Variants in PLEKHM3 observed in about 807,000 individuals in gnomAD.
PLEKHM3 encodes the protein pleckstrin homology domain containing M3.
In PLEKHM3, 45 loss-of-function variants were observed where a neutral mutation model predicts 81.8. That is an observed-to-expected ratio of 0.55 (90% CI 0.43 to 0.71). The LOEUF is 0.71. Among genes scored for constraint, PLEKHM3 ranks in the 30% least tolerant of loss-of-function variants. PLEKHM3 has a pLI of 0.00. For synonymous variants in PLEKHM3, 352 were observed against 356.4 expected, an observed-to-expected ratio of 0.99 and a Z score of 0.14; for missense variants, 788 against 924.3, an observed-to-expected ratio of 0.85 and a Z score of 1.91.
intron 7 of PLEKHM3, among the ~76,000 whole-genome samples, chr2:207,842,811 A>G (rs1021797037): frequency 6.6e-6 from 1 of 152,240 alleles, no homozygotes; most frequent in African/African-American, 2.4e-5. Context: ...ACACATACTC[A>G]TAAGACAGAA....
At chr2:208,024,850 T>C (rs1693273721) in intron 1 of PLEKHM3, among the ~76,000 whole-genome samples, 1 of 152,254 alleles carries the variant, frequency 6.6e-6, no homozygotes, top group South Asian at 2.1e-4. Flanking sequence ...CATCCAAATA[T>C]ATATCTCAGT....
rs1410633564 is a variant in PLEKHM3, at chr2:207,827,069, G to A, written c.*1250C>T. ...TTAGCACTCTTTGTTTTACTTCAAG[G>A]TGGCAATTATATATGTGTGTGTATA... On this transcript the variant is annotated 3_prime_UTR_variant, in exon 8 of 8. Transcript: ENST00000427836. 6.6e-6 allele frequency: 1 copy of A among 151,730 alleles called. No individual in the cohort carries two copies. Among genetic ancestry groups the A allele is most frequent in the African/African-American group, 2.4e-5 (1 of 41,342 alleles). 9.4% of individuals were successfully genotyped at this position (151,730 alleles called of 1,614,324 possible). A position where few individuals can be genotyped will look rare whatever the true frequency, so the allele number is the denominator to read the frequency against.
chr2:207,864,614 T>C (rs560520959), intron 6 of PLEKHM3, among the ~76,000 whole-genome samples: 1 of 152,320 alleles, frequency 6.6e-6, no homozygotes, highest in African/African-American at 2.4e-5. Flanking sequence ...ACATGAGAGT[T>C]ATTATCTAGG....
chr2:208,016,666 A>ACACACACAC (rs1468410522), intron 1 of PLEKHM3, among the ~76,000 whole-genome samples: 5 of 34,092 alleles, frequency 1.5e-4, no homozygotes, highest in Admixed American at 4.3e-4. Context: ...AAAAAAAAAA[A>ACACACACAC]AAATACACAC....
chr2:207,866,237 C>T (rs1574350140), intron 6 of PLEKHM3, among the ~76,000 whole-genome samples: 3 of 152,114 alleles, frequency 2.0e-5, no homozygotes, highest in African/African-American at 7.2e-5. Context: ...CTCACTGCAA[C>T]CTCTGCCTCC....
chr2:207,865,676 A>G (rs1452938496), intron 6 of PLEKHM3, among the ~76,000 whole-genome samples: 4 of 148,704 alleles, frequency 2.7e-5, no homozygotes, highest in Non-Finnish European at 6.0e-5. Context: ...GCTACTCGGG[A>G]AGCTAAGGAA....
intron 5 of PLEKHM3, among the ~76,000 whole-genome samples, chr2:207,908,917 C>T (rs1011951347): frequency 7.9e-5 from 12 of 152,238 alleles, no homozygotes; most frequent in Non-Finnish European, 1.5e-4. Context: ...CAAGTCCCCA[C>T]ATGCCCACCT....
chr2:207,959,861 G>A (rs369139988), intron 3 of PLEKHM3, among the ~76,000 whole-genome samples: 1 of 152,056 alleles, frequency 6.6e-6, no homozygotes, highest in South Asian at 2.1e-4. Context: ...GAATTTCTTC[G>A]TTTTCACCCC....
chr2:208,023,831 C>G (rs1253599238), intron 1 of PLEKHM3, among the ~76,000 whole-genome samples: 1 of 151,696 alleles, frequency 6.6e-6, no homozygotes, highest in Non-Finnish European at 1.5e-5. Flanking sequence ...TGGTAATCAC[C>G]ATTCCACTTT....
chr2:207,994,430 A>G (rs186021556), intron 2 of PLEKHM3, among the ~76,000 whole-genome samples: 2 of 152,340 alleles, frequency 1.3e-5, no homozygotes, highest in Admixed American at 1.3e-4. Flanking sequence ...GGTTTAGTAC[A>G]GACAGTAGTG....
intron 2 of PLEKHM3, among the ~76,000 whole-genome samples, chr2:207,993,223 T>A (rs116497612): frequency 6.9e-4 from 105 of 152,302 alleles, no homozygotes; most frequent in Non-Finnish European, 1.1e-3. Flanking sequence ...ATGAGGCATA[T>A]TGGGTTTCCA....
chr2:207,984,289 A>C (rs930357524), intron 2 of PLEKHM3, among the ~76,000 whole-genome samples: 1 of 152,242 alleles, frequency 6.6e-6, no homozygotes, highest in African/African-American at 2.4e-5. Flanking sequence ...TCTAACAGAT[A>C]AGATCTTTAA....
chr2:208,023,339 G>T (rs778430555), intron 1 of PLEKHM3, among the ~76,000 whole-genome samples: 1 of 145,862 alleles, frequency 6.9e-6, no homozygotes, highest in Non-Finnish European at 1.5e-5. Flanking sequence ...GTACAGTTCA[G>T]TATTGTTAAG....
chr2:207,991,666 A>C (rs1019463231), intron 2 of PLEKHM3, among the ~76,000 whole-genome samples: 2 of 152,160 alleles, frequency 1.3e-5, no homozygotes, highest in South Asian at 4.1e-4. Context: ...TTGGTATTTA[A>C]GAAAATGATC....
At position 207,923,194 on chromosome 2, in the gene PLEKHM3, G is replaced by A. The variant is rs930911125; in HGVS notation, c.1886+7732C>T. Among the ~76,000 whole-genome samples, 5 of 152,090 alleles carry A rather than the reference G, an allele frequency of 3.3e-5. 1 individual carries two copies. The highest frequency in any genetic ancestry group is 5.9e-5 in the Non-Finnish European group (4 of 68,016). On this transcript the variant is annotated intron_variant, in intron 5 of 7. Transcript: ENST00000427836. ...GTGTTGCGTTATCCTGTAGGTAGCC[G>A]AACTACTCACTGTCTAATAAGACCA... is the stretch of plus-strand genomic sequence containing the variant.
Position 207,961,894 on chromosome 2 carries a change from G to T in PLEKHM3, c.1546+14757C>A, listed in dbSNP as rs185356811. Reference sequence around the variant, plus strand: ...CCAAAGCTTCCTCATTCTGTGGGGGGAAATTACACACATCATTCATCCTCC... The same window carrying T: ...CCAAAGCTTCCTCATTCTGTGGGGGTAAATTACACACATCATTCATCCTCC... On this transcript the variant is annotated intron_variant, in intron 3 of 7. Coordinates refer to ENST00000427836, the MANE Select transcript of PLEKHM3 (RefSeq NM_001080475.3). Among the ~76,000 whole-genome samples the T allele has an allele frequency of 2.3e-3, 346 of 152,302 alleles. 1 individual carries two copies. The highest frequency in any genetic ancestry group is 0.02 in the Middle Eastern group (6 of 294).
At chr2:207,918,775 C>T (rs1447104547) in intron 5 of PLEKHM3, among the ~76,000 whole-genome samples, 1 of 151,944 alleles carries the variant, frequency 6.6e-6, no homozygotes, top group Non-Finnish European at 1.5e-5. Flanking sequence ...TTTATTAGCC[C>T]CCACTATATG....
At chr2:208,004,408 G>A (rs1421156379) in intron 1 of PLEKHM3, among the ~76,000 whole-genome samples, 1 of 114,938 alleles carries the variant, frequency 8.7e-6, no homozygotes, top group Non-Finnish European at 2.1e-5. Flanking sequence ...ACAGAGCAAT[G>A]CCCTGTCTCA....
intron 1 of PLEKHM3, among the ~76,000 whole-genome samples, chr2:208,008,899 T>C (rs1274664919): frequency 6.6e-6 from 1 of 152,246 alleles, no homozygotes; most frequent in Non-Finnish European, 1.5e-5. Context: ...ACTTCTTCTA[T>C]ATTCACGCTG....
Sources: gnomAD v4.1 joint callset for allele counts (sites outside exome capture counted in the v4.1 genomes callset) on GRCh38, gnomAD v4.1.1 for gene constraint, MANE v1.5 for transcripts, NCBI Gene and HGNC (gene_info 2026-07-23, HGNC 2026-07-21) for gene names.